The following ADAD1 variants were observed in gnomAD, a reference collection of about 807,000 sequenced individuals.
ADAD1 encodes adenosine deaminase domain-containing protein 1.
A neutral mutation model predicts 66.8 loss-of-function variants in ADAD1; 46 were observed. That is an observed-to-expected ratio of 0.69 (90% CI 0.54 to 0.88). The LOEUF (loss-of-function observed/expected upper bound fraction) is 0.88. Among genes scored for constraint, ADAD1 ranks in the 40% least tolerant of loss-of-function variants. ADAD1 has a pLI of 0.00. For synonymous variants in ADAD1, 248 were observed against 229.4 expected (o/e 1.08, Z -0.73); for missense variants, 617 against 681.8 (o/e 0.91, Z 1.06).
intron 8 of ADAD1, among the ~76,000 whole-genome samples, chr4:122,410,514 G>T (rs115770011): frequency 0.02 from 3,077 of 152,100 alleles, 53 homozygotes; most frequent in Non-Finnish European, 0.03. Flanking sequence ...TTTAATTATT[G>T]TGAATATATA....
intron 7 of ADAD1, among the ~76,000 whole-genome samples, chr4:122,396,907 A>T (rs553485685): frequency 6.6e-6 from 1 of 152,180 alleles, no homozygotes; most frequent in Non-Finnish European, 1.5e-5. Context: ...GGCAGAGTAG[A>T]TAAATATACT....
chr4:122,414,417 G>A (rs1020895769), intron 10 of ADAD1, among the ~76,000 whole-genome samples: 6 of 150,656 alleles, frequency 4.0e-5, no homozygotes, highest in South Asian at 2.1e-4. Context: ...CTTTTATTCT[G>A]TGCCCAAGTA....
At chr4:122,386,003 A>G (rs1378847599) in intron 5 of ADAD1, among the ~76,000 whole-genome samples, 1 of 152,166 alleles carries the variant, frequency 6.6e-6, no homozygotes. Context: ...CAGTAAACAT[A>G]CGTGTGCATG....
chr4:122,417,109 C>T (rs1260492543), intron 11 of ADAD1, among the ~76,000 whole-genome samples: 3 of 152,050 alleles, frequency 2.0e-5, no homozygotes, highest in African/African-American at 7.2e-5. Flanking sequence ...CTGAGGCGGG[C>T]AGATCAGCTG....
chr4:122,410,443 G>A (rs1796417289), intron 8 of ADAD1, among the ~76,000 whole-genome samples: 2 of 152,034 alleles, frequency 1.3e-5, no homozygotes, highest in Admixed American at 1.3e-4. Flanking sequence ...GATTTGATTA[G>A]TTGTAGTCTT....
chr4:122,405,383 A>C lies in ADAD1; in HGVS notation c.725-2525A>C, dbSNP rs112787919. On this transcript the variant is annotated intron_variant, in intron 7 of 12. Coordinates refer to ENST00000296513, the MANE Select transcript of ADAD1 (RefSeq NM_139243.4). ...CAGACTTCATCAAGAAGCTCCTGAC[A>C]GCCACTGTGTCTACTCTTTACTTCA... is the stretch of plus-strand genomic sequence containing the variant. Among the ~76,000 whole-genome samples the C allele has an allele frequency of 3.8e-3, 579 of 152,318 alleles. 4 individuals carry two copies. Among genetic ancestry groups the C allele is most frequent in the African/African-American group, 0.013 (543 of 41,560 alleles).
At chr4:122,408,359 T>C (rs78192666) in intron 8 of ADAD1, among the ~76,000 whole-genome samples, 5,616 of 152,278 alleles carry the variant, frequency 0.037, 356 homozygotes, top group East Asian at 0.23. Flanking sequence ...TACTGCAACC[T>C]CTGGCTTCCA....
intron 5 of ADAD1, among the ~76,000 whole-genome samples, chr4:122,384,528 A>G (rs1350238132): frequency 1.3e-5 from 2 of 152,340 alleles, no homozygotes; most frequent in East Asian, 3.9e-4. Flanking sequence ...CATTAGGATT[A>G]GATAAACAAT....
chr4:122,386,200 A>T (rs777034714), intron 5 of ADAD1, among the ~76,000 whole-genome samples: 4 of 152,280 alleles, frequency 2.6e-5, no homozygotes, highest in Non-Finnish European at 5.9e-5. Context: ...CCTCACCAGC[A>T]TGTATTGTTT....
At chr4:122,426,274 C>CA (rs1381654349) in intron 12 of ADAD1, among the ~76,000 whole-genome samples, 1 of 152,068 alleles carries the variant, frequency 6.6e-6, no homozygotes, top group East Asian at 1.9e-4. Context: ...TAGAAAGACA[C>CA]AAATCATAAA....
chr4:122,384,030 A>C (rs1795039294), intron 5 of ADAD1, 64 bp downstream of exon 5: 3 of 1,392,730 alleles, frequency 2.2e-6, no homozygotes, highest in Non-Finnish European at 2.9e-6. Context: ...ATCACCTGAA[A>C]GATTTATGTT....
intron 10 of ADAD1, among the ~76,000 whole-genome samples, chr4:122,415,085 A>G (rs949677597): frequency 1.3e-5 from 2 of 152,150 alleles, no homozygotes; most frequent in African/African-American, 4.8e-5. Context: ...TTTCTGAGTC[A>G]GTTACTAAAG....
intron 8 of ADAD1, among the ~76,000 whole-genome samples, chr4:122,408,344 C>T (rs910571683): frequency 3.3e-5 from 5 of 152,188 alleles, no homozygotes; most frequent in African/African-American, 4.8e-5. Context: ...GCACAAATCT[C>T]GGCTTACTGC....
intron 11 of ADAD1, among the ~76,000 whole-genome samples, chr4:122,420,426 G>A (rs957894264): frequency 4.6e-5 from 7 of 152,196 alleles, no homozygotes; most frequent in Admixed American, 1.3e-4. Flanking sequence ...GGTCACATGG[G>A]AGAGGCAGCA....
At chr4:122,382,328 G>T (rs1032748647) in intron 4 of ADAD1, among the ~76,000 whole-genome samples, 5 of 152,208 alleles carry the variant, frequency 3.3e-5, no homozygotes, top group Non-Finnish European at 7.3e-5. Context: ...CACAGTGTCA[G>T]AATTTTTTAA....
intron 6 of ADAD1, among the ~76,000 whole-genome samples, chr4:122,393,947 C>T (rs751887710): frequency 5.3e-5 from 8 of 152,088 alleles, no homozygotes; most frequent in Admixed American, 6.5e-5. Flanking sequence ...TTGTCATGAA[C>T]GAAAACCAAT....
chr4:122,423,080 C>T (rs1341755795), intron 12 of ADAD1, among the ~76,000 whole-genome samples: 2 of 151,896 alleles, frequency 1.3e-5, no homozygotes, highest in East Asian at 1.9e-4. Context: ...TTCTCATTCT[C>T]ATTTTCTTCC....
intron 11 of ADAD1, among the ~76,000 whole-genome samples, chr4:122,420,138 T>C (rs1409054322): frequency 1.3e-5 from 2 of 152,186 alleles, no homozygotes; most frequent in Non-Finnish European, 2.9e-5. Flanking sequence ...TCAAAACCAC[T>C]GCAACAAAAG....
intron 6 of ADAD1, among the ~76,000 whole-genome samples, chr4:122,395,298 C>A (rs991240941): frequency 6.6e-6 from 1 of 151,990 alleles, no homozygotes; most frequent in Admixed American, 6.6e-5. Context: ...CGATCCACCT[C>A]CCTCAGCCTC....
Sources: allele counts gnomAD v4.1 joint callset (sites outside exome capture counted in the v4.1 genomes callset), GRCh38; gene constraint gnomAD v4.1.1; transcripts MANE v1.5; gene names NCBI Gene and HGNC (gene_info 2026-07-23, HGNC 2026-07-21).